The following XKR4 variants were observed in gnomAD, a reference collection of about 807,000 sequenced individuals.
XKR4 encodes XK-related protein 4.
Under a neutral mutation model 53.9 loss-of-function variants are expected in XKR4, and 12 were observed. The ratio of observed to expected loss-of-function variants is 0.22; its 90% CI spans 0.14 to 0.36. The LOEUF is 0.36. Among genes scored for constraint, XKR4 ranks in the 10% least tolerant of loss-of-function variants. XKR4 has a pLI of 1.00. For synonymous variants in XKR4, 354 were observed against 362.4 expected, an observed-to-expected ratio of 0.98 and a Z score of 0.26; for missense variants, 799 against 859.5, an observed-to-expected ratio of 0.93 and a Z score of 0.88.
At chr8:55,285,729 C>T (rs528797571) in intron 1 of XKR4, among the ~76,000 whole-genome samples, 130 of 152,288 alleles carry the variant, frequency 8.5e-4, no homozygotes, top group African/African-American at 2.9e-3. Context: ...CTGAGTTTAT[C>T]TGGTCTTGGG....
At chr8:55,426,720 C>T (rs537646279) in intron 2 of XKR4, among the ~76,000 whole-genome samples, 3 of 152,194 alleles carry the variant, frequency 2.0e-5, no homozygotes, top group East Asian at 1.9e-4. Context: ...TAAATTGAGC[C>T]GGAGGCAACT....
At chr8:55,241,190 A>G (rs1307607385) in intron 1 of XKR4, among the ~76,000 whole-genome samples, 2 of 152,184 alleles carry the variant, frequency 1.3e-5, no homozygotes, top group African/African-American at 4.8e-5. Flanking sequence ...TGGAACTTTC[A>G]ACCCGTGCAT....
intron 2 of XKR4, among the ~76,000 whole-genome samples, chr8:55,440,218 C>A (rs1011403636): frequency 6.6e-6 from 1 of 151,872 alleles, no homozygotes; most frequent in African/African-American, 2.4e-5. Flanking sequence ...CAGACCTTTA[C>A]TAAAGAAACA....
chr8:55,180,193 G>A (rs773209395), intron 1 of XKR4, among the ~76,000 whole-genome samples: 66 of 152,276 alleles, frequency 4.3e-4, no homozygotes, highest in Non-Finnish European at 7.9e-4. Context: ...ACCATCAATA[G>A]CAGCACACAT....
rs548001360 is a variant in XKR4 at position 55,332,954 on chromosome 8, A to AG, written c.807-24724_807-24723insG. 7.3e-5 allele frequency among the ~76,000 whole-genome samples: 11 copies of AG among 151,588 alleles called. No individual in the cohort carries two copies. In the South Asian group the frequency reaches 2.3e-3, roughly 32 times the overall value. On this transcript the variant is annotated intron_variant, in intron 1 of 2. Transcript: ENST00000327381. Reference sequence around the variant, plus strand: ...TTTTTCCTCAGACTTGACAATTTCAAATGACCTGAATTCAAGTTTGCTGAT... The same window carrying AG: ...TTTTTCCTCAGACTTGACAATTTCAAGATGACCTGAATTCAAGTTTGCTGAT...
intron 2 of XKR4, among the ~76,000 whole-genome samples, chr8:55,505,256 G>A (rs373572605): frequency 8.6e-5 from 13 of 151,892 alleles, no homozygotes; most frequent in Non-Finnish European, 1.9e-4. Flanking sequence ...TTTTTGCTGC[G>A]TTGTTTTTTC....
At chr8:55,341,049 TTA>T in intron 1 of XKR4, among the ~76,000 whole-genome samples, 1 of 152,114 alleles carries the variant, frequency 6.6e-6, no homozygotes, top group Non-Finnish European at 1.5e-5. Context: ...TTTGGAGGAT[TTA>T]TGTCTAGAGA....
At chr8:55,339,875 A>G (rs1803515836) in intron 1 of XKR4, among the ~76,000 whole-genome samples, 1 of 151,924 alleles carries the variant, frequency 6.6e-6, no homozygotes, top group Non-Finnish European at 1.5e-5. Context: ...TCCAAAAAAA[A>G]CAACAACAAA....
chr8:55,359,885 T>A (rs943486563), intron 2 of XKR4, among the ~76,000 whole-genome samples: 1 of 152,322 alleles, frequency 6.6e-6, no homozygotes, highest in Non-Finnish European at 1.5e-5. Flanking sequence ...AAGTTGCGTT[T>A]TTTGAGTCTT....
At chr8:55,295,107 AAC>A (rs1336308138) in intron 1 of XKR4, among the ~76,000 whole-genome samples, 1 of 152,242 alleles carries the variant, frequency 6.6e-6, no homozygotes, top group African/African-American at 2.4e-5. Flanking sequence ...TAATACTGCT[AAC>A]ACTCAGTGTA....
intron 1 of XKR4, among the ~76,000 whole-genome samples, chr8:55,346,051 T>C (rs539410520): frequency 1.3e-5 from 2 of 151,950 alleles, no homozygotes; most frequent in East Asian, 3.9e-4. Context: ...AATCGTTGTT[T>C]AGTGAGTATA....
rs1409587675 is a variant in XKR4, at chr8:55,523,946, G to A, written c.1672G>A (p.Asp558Asn). Reference sequence around the variant, plus strand: ...CTCCAACAACCGCAGTGTTGTCAGCGACCGCGATCAGAAATTCGCAGAGCG... The same window carrying A: ...CTCCAACAACCGCAGTGTTGTCAGCAACCGCGATCAGAAATTCGCAGAGCG... ...SISNNRSVVS[D>N]RDQKFAERDG... The change falls in exon 3 of 3, where the codon GAC becomes AAC. Residue 558 changes from aspartate to asparagine, a missense_variant. Coordinates refer to ENST00000327381, the MANE Select transcript of XKR4 (RefSeq NM_052898.2). 1.1e-5 allele frequency: 17 copies of A among 1,614,138 alleles called. No homozygotes were observed. The highest frequency in any genetic ancestry group is 1.7e-5 in the Admixed American group (1 of 60,024).
At chr8:55,280,057 G>C (rs561380434) in intron 1 of XKR4, among the ~76,000 whole-genome samples, 1 of 152,132 alleles carries the variant, frequency 6.6e-6, no homozygotes, top group African/African-American at 2.4e-5. Flanking sequence ...TAATGTGTTT[G>C]TGTTTCATTC....
intron 1 of XKR4, among the ~76,000 whole-genome samples, chr8:55,184,384 T>A (rs912143679): frequency 6.6e-6 from 1 of 152,202 alleles, no homozygotes; most frequent in Non-Finnish European, 1.5e-5. Context: ...GATTTGAAAA[T>A]CTCTGTGTTT....
At chr8:55,336,497 A>G (rs1803464093) in intron 1 of XKR4, among the ~76,000 whole-genome samples, 1 of 152,200 alleles carries the variant, frequency 6.6e-6, no homozygotes, top group African/African-American at 2.4e-5. Context: ...CATTGTTCCA[A>G]TGTCAATGTC....
At chr8:55,515,893 T>G (rs1360560601) in intron 2 of XKR4, among the ~76,000 whole-genome samples, 5 of 152,142 alleles carry the variant, frequency 3.3e-5, no homozygotes, top group African/African-American at 1.2e-4. Context: ...TGTGGGAGAT[T>G]TGAGATGTCC....
At chr8:55,394,781 T>G (rs1804491332) in intron 2 of XKR4, among the ~76,000 whole-genome samples, 1 of 152,220 alleles carries the variant, frequency 6.6e-6, no homozygotes, top group African/African-American at 2.4e-5. Flanking sequence ...TTCAATTATC[T>G]GGCCTTCATA....
At chr8:55,186,641 G>A (rs909130316) in intron 1 of XKR4, among the ~76,000 whole-genome samples, 6 of 152,142 alleles carry the variant, frequency 3.9e-5, no homozygotes, top group Non-Finnish European at 8.8e-5. Context: ...GGGGGACAGA[G>A]TGAGACTCCG....
At chr8:55,462,797 A>G (rs895280173) in intron 2 of XKR4, among the ~76,000 whole-genome samples, 1 of 152,250 alleles carries the variant, frequency 6.6e-6, no homozygotes, top group Admixed American at 6.5e-5. Flanking sequence ...AAGTAAATGG[A>G]AAACAAAAAA....
Sources: allele counts gnomAD v4.1 joint callset (sites outside exome capture counted in the v4.1 genomes callset), GRCh38; gene constraint gnomAD v4.1.1; transcripts MANE v1.5; gene names NCBI Gene and HGNC (gene_info 2026-07-23, HGNC 2026-07-21).